Variants in BRAF observed in about 807,000 individuals in gnomAD.
BRAF encodes serine/threonine-protein kinase B-raf.
In BRAF, 16 loss-of-function variants were observed where a neutral mutation model predicts 104.6. The observed-to-expected ratio is 0.15, with a 90% CI of 0.10 to 0.23. The LOEUF (loss-of-function observed/expected upper bound fraction) is 0.23, where lower values mean the gene tolerates loss of function less well. BRAF is among the 10% of genes least tolerant of loss of function. The pLI is 1.00. For missense variants in BRAF, 541 were observed against 937.3 expected (o/e 0.58, Z 5.52); for synonymous variants, 310 against 341.6 (o/e 0.91, Z 1.02).
chr7:140,854,749 C>T (rs561480361), intron 1 of BRAF, among the ~76,000 whole-genome samples: 12 of 152,048 alleles, frequency 7.9e-5, no homozygotes, highest in African/African-American at 2.9e-4. Context: ...AGTTCGAGAC[C>T]AGCTGGCCAA....
At chr7:140,889,614 A>G (rs1056531409) in intron 1 of BRAF, among the ~76,000 whole-genome samples, 2 of 152,216 alleles carry the variant, frequency 1.3e-5, no homozygotes, top group South Asian at 2.1e-4. Context: ...TTAAAATTCT[A>G]ATTTAAAATC....
intron 3 of BRAF, among the ~76,000 whole-genome samples, chr7:140,814,764 T>C (rs978919295): frequency 7.1e-6 from 1 of 141,754 alleles, no homozygotes; most frequent in African/African-American, 2.7e-5. Flanking sequence ...AACATATATA[T>C]TATATATAAC....
intron 7 of BRAF, among the ~76,000 whole-genome samples, chr7:140,798,657 G>C (rs1802755990): frequency 6.7e-6 from 1 of 148,524 alleles, no homozygotes; most frequent in African/African-American, 2.5e-5. Flanking sequence ...ACCTGTGTCA[G>C]AAATGTTCCA....
chr7:140,821,018 T>C (rs969659340), intron 3 of BRAF, among the ~76,000 whole-genome samples: 2 of 152,224 alleles, frequency 1.3e-5, no homozygotes, highest in African/African-American at 4.8e-5. Flanking sequence ...AGTCTTTTTT[T>C]AAGACAGGGA....
chr7:140,747,521 T>C, intron 17 of BRAF: 1 of 599,470 alleles, frequency 1.7e-6, no homozygotes, highest in Middle Eastern at 3.2e-4. Flanking sequence ...AATACTTGTT[T>C]CTATATTATA....
At chr7:140,909,814 AC>A (rs1816763898) in intron 1 of BRAF, among the ~76,000 whole-genome samples, 3 of 145,102 alleles carry the variant, frequency 2.1e-5, no homozygotes, top group Admixed American at 6.7e-5. Flanking sequence ...TCTCAAAACA[AC>A]AACAACAACA....
chr7:140,854,353 G>A (rs2129077083), intron 1 of BRAF, among the ~76,000 whole-genome samples: 1 of 152,244 alleles, frequency 6.6e-6, no homozygotes, highest in East Asian at 1.9e-4. Flanking sequence ...TTATTTTGGT[G>A]TCTTAGTCAT....
At chr7:140,900,570 C>T (rs1815489428) in intron 1 of BRAF, among the ~76,000 whole-genome samples, 1 of 152,142 alleles carries the variant, frequency 6.6e-6, no homozygotes, top group East Asian at 1.9e-4. Context: ...GTATTACCTG[C>T]CATTTTGTTA....
rs539869167 is a variant in BRAF, at chr7:140,743,515, T to C, written c.2113-3569A>G. On this transcript the variant is annotated intron_variant, in intron 17 of 19. Coordinates refer to ENST00000644969, the MANE Select transcript of BRAF (RefSeq NM_001374258.1). ...GCATATTCTCACTCATAGGTGGGAATTGAACAATGAGAACACGTGGACACA... is the reference window on the plus strand; with the variant it reads ...GCATATTCTCACTCATAGGTGGGAACTGAACAATGAGAACACGTGGACACA... Among the ~76,000 whole-genome samples, 77 of 152,166 alleles carry C rather than the reference T, an allele frequency of 5.1e-4. No individual in the cohort carries two copies. In the South Asian group the frequency reaches 6.9e-3, roughly 14 times the overall value.
chr7:140,733,680 G>A lies in BRAF; in HGVS notation c.2401+937C>T, dbSNP rs1181823364. 8 of 152,354 alleles carry A rather than the reference G, an allele frequency of 5.3e-5. 1 individual carries two copies. In the Middle Eastern group the frequency reaches 0.024, roughly 453 times the overall value. 9.4% of individuals were successfully genotyped at this position (152,354 alleles called of 1,614,324 possible). ...AGGTGATTGCTAAAATATGCATCAT[G>A]AGAGGTAAGAATAATCTAATAACAA... On this transcript the variant is annotated intron_variant, in intron 19 of 19. Transcript: ENST00000644969.
chr7:140,904,616 G>C (rs1816085478), intron 1 of BRAF, among the ~76,000 whole-genome samples: 2 of 152,088 alleles, frequency 1.3e-5, no homozygotes, highest in South Asian at 4.1e-4. Context: ...TTGATGCATG[G>C]ATTATTATTT....
intron 1 of BRAF, among the ~76,000 whole-genome samples, chr7:140,910,913 C>G (rs983916673): frequency 6.6e-6 from 1 of 152,152 alleles, no homozygotes; most frequent in Non-Finnish European, 1.5e-5. Context: ...AGTCGTCCCG[C>G]CTCAGCCTCC....
At chr7:140,920,669 T>C (rs1333159259) in intron 1 of BRAF, among the ~76,000 whole-genome samples, 3 of 152,258 alleles carry the variant, frequency 2.0e-5, no homozygotes, top group Non-Finnish European at 4.4e-5. Flanking sequence ...AGCTGTTTAC[T>C]GACAGTTTAT....
At chr7:140,784,602 T>C (rs1801175673) in intron 10 of BRAF, among the ~76,000 whole-genome samples, 2 of 152,070 alleles carry the variant, frequency 1.3e-5, no homozygotes. Flanking sequence ...AGTCAGTAAA[T>C]ATAAATCTTT....
At chr7:140,865,353 T>C (rs1290937932) in intron 1 of BRAF, among the ~76,000 whole-genome samples, 1 of 152,200 alleles carries the variant, frequency 6.6e-6, no homozygotes, top group Non-Finnish European at 1.5e-5. Context: ...GTGCTGGGAT[T>C]ACACACATGA....
At chr7:140,756,026 T>C (rs1192669557) in intron 14 of BRAF, among the ~76,000 whole-genome samples, 1 of 152,104 alleles carries the variant, frequency 6.6e-6, no homozygotes, top group Non-Finnish European at 1.5e-5. Context: ...TGTTAATCCT[T>C]TCAACAAATT....
chr7:140,819,070 T>G (rs1460680651), intron 3 of BRAF, among the ~76,000 whole-genome samples: 1 of 152,220 alleles, frequency 6.6e-6, no homozygotes, highest in Non-Finnish European at 1.5e-5. Context: ...CTTGGAGAAC[T>G]TGTACATTTT....
chr7:140,777,490 T>C (rs1800450184), intron 13 of BRAF, among the ~76,000 whole-genome samples: 1 of 152,200 alleles, frequency 6.6e-6, no homozygotes. Context: ...AACTTTTTTT[T>C]CCGCACTCTG....
At chr7:140,762,551 G>A (rs901942571) in intron 14 of BRAF, among the ~76,000 whole-genome samples, 12 of 141,226 alleles carry the variant, frequency 8.5e-5, no homozygotes, top group African/African-American at 3.1e-4. Flanking sequence ...GAGCAGAACT[G>A]AAGGAAATAG....
Sources: allele counts gnomAD v4.1 joint callset (sites outside exome capture counted in the v4.1 genomes callset), GRCh38; gene constraint gnomAD v4.1.1; transcripts MANE v1.5; gene names NCBI Gene and HGNC (gene_info 2026-07-23, HGNC 2026-07-21).